RECQL: variants seen among roughly 807,000 people sequenced by gnomAD.
RECQL encodes the protein ATP-dependent DNA helicase Q1.
In RECQL, 73 loss-of-function variants were observed where a neutral mutation model predicts 75.8. The observed-to-expected ratio is 0.96, with a 90% CI of 0.80 to 1.17. The LOEUF (loss-of-function observed/expected upper bound fraction) is 1.17. Ranked by LOEUF, RECQL falls within the 50% of genes most tolerant of loss-of-function variation. RECQL has a pLI of 0.00. For missense variants in RECQL, 699 were observed against 772.1 expected, an observed-to-expected ratio of 0.91 and a Z score of 1.12; for synonymous variants, 248 against 254.4, an observed-to-expected ratio of 0.97 and a Z score of 0.24.
rs768343455 is a variant in RECQL, at chr12:21,473,660, G to T, written c.1356-18C>A. 2.5e-6 allele frequency: 4 copies of T among 1,600,274 alleles called. No individual in the cohort carries two copies. Among genetic ancestry groups the T allele is most frequent in the Non-Finnish European group, 1.7e-6 (2 of 1,169,262 alleles). ...GACGACATCTGCAAACACATTTAAA[G>T]ATACAAATTATTAAAGGATATAATA... is the stretch of plus-strand genomic sequence containing the variant. On this transcript the variant is annotated intron_variant, in intron 11 of 14. Coordinates refer to ENST00000444129, the MANE Select transcript of RECQL (RefSeq NM_002907.4).
At chr12:21,487,741 G>A (rs1237180020) in intron 4 of RECQL, among the ~76,000 whole-genome samples, 1 of 152,146 alleles carries the variant, frequency 6.6e-6, no homozygotes, top group Admixed American at 6.5e-5. Context: ...ATTAAGTAAT[G>A]AGGGCTCTGC....
intron 1 of RECQL, among the ~76,000 whole-genome samples, 163 bp from the exon 2 acceptor site, chr12:21,499,778 T>TGAAAAAATTAGTG (rs1943572891): frequency 6.6e-6 from 1 of 152,224 alleles, no homozygotes; most frequent in African/African-American, 2.4e-5. Flanking sequence ...CTTTTGACAC[T>TGAAAAAATTAGTG]AATTTTTTAT....
chr12:21,486,699 C>G (rs1360580199), intron 4 of RECQL, 114 bp from the exon 5 acceptor site: 1 of 833,132 alleles, frequency 1.2e-6, no homozygotes, highest in East Asian at 3.4e-5. Flanking sequence ...GAGATGGAGT[C>G]TCACTCTCTT....
At chr12:21,480,532 A>G (rs1204121456) in intron 6 of RECQL, among the ~76,000 whole-genome samples, 1 of 151,332 alleles carries the variant, frequency 6.6e-6, no homozygotes, top group East Asian at 1.9e-4. Context: ...TTTTTTTGTC[A>G]TCTCTAACCC....
intron 4 of RECQL, among the ~76,000 whole-genome samples, chr12:21,488,881 G>C (rs1036261301): frequency 1.3e-5 from 2 of 152,200 alleles, no homozygotes; most frequent in African/African-American, 4.8e-5. Context: ...CTTTCCACAT[G>C]TCTTACCACT....
At position 21,498,063 on chromosome 12, in the gene RECQL, T is replaced by C. The variant is rs894484222; in HGVS notation, c.16+1492A>G. 3.9e-5 allele frequency among the ~76,000 whole-genome samples: 6 copies of C among 152,250 alleles called. No homozygotes were observed. The South Asian group carries it at 6.2e-4, about 16-fold the overall frequency. On this transcript the variant is annotated intron_variant, in intron 2 of 14. Transcript: ENST00000444129. Reference sequence around the variant, plus strand: ...AGGAATTCACGGAATTCCTACTGATTGTCATCGTATTCCCCACCAAATTAC... The same window carrying C: ...AGGAATTCACGGAATTCCTACTGATCGTCATCGTATTCCCCACCAAATTAC...
Position 21,483,305 on chromosome 12 carries a change from T to C in RECQL, c.700+71A>G, listed in dbSNP as rs577773294. ...GGATGATTTTAATAGAAGCAGAGATTTCCATCATGCCAAGCTGAGTAAGGA... is the reference window on the plus strand; with the variant it reads ...GGATGATTTTAATAGAAGCAGAGATCTCCATCATGCCAAGCTGAGTAAGGA... On this transcript the variant is annotated intron_variant, in intron 6 of 14. Transcript: ENST00000444129. 4.1e-6 allele frequency: 4 copies of C among 969,212 alleles called. No homozygotes were observed. The East Asian group carries it at 1.0e-4, about 25-fold the overall frequency. The allele number at this position is 969,212 out of a possible 1,614,324, so 60.0% of individuals were successfully genotyped here. A position where few individuals can be genotyped will look rare whatever the true frequency, so the allele number is the denominator to read the frequency against.
rs60867895 is a variant in RECQL, at chr12:21,485,210, CA to C, written c.501+1268del. On this transcript the variant is annotated intron_variant, in intron 5 of 14. Transcript: ENST00000444129. ...TGATACCACAGTAAGTATACTCTTGCAAAAAAAAAAAAAAAAGTTAAAGAAA... is the reference window on the plus strand; with the variant it reads ...TGATACCACAGTAAGTATACTCTTGCAAAAAAAAAAAAAAAGTTAAAGAAA... 9.3e-3 allele frequency among the ~76,000 whole-genome samples: 1,045 copies of C among 112,732 alleles called. 14 individuals are homozygous for C. Among genetic ancestry groups the C allele is most frequent in the African/African-American group, 0.029 (831 of 28,922 alleles). The allele number at this position is 112,732 out of a possible 152,430, so 74.0% of individuals were successfully genotyped here.
chr12:21,474,957 G>A lies in RECQL; in HGVS notation c.1239C>T (p.Asp413=). 1 of 1,612,766 alleles carries A rather than the reference G, an allele frequency of 6.2e-7. No homozygotes were observed. The highest frequency in any genetic ancestry group is 8.5e-7 in the Non-Finnish European group (1 of 1,179,064). The part of the protein sequence containing the change: ...GRAGRDDMKA[D]CILYYGFGDI... ...CTCCAAAGCCGTAGTACAAAATACA[G>A]TCTGCTTTCATGTCATCTCGACCTG... The change falls in exon 11 of 15, where the codon GAC becomes GAT. Residue 413 remains aspartate, a synonymous_variant. Coordinates refer to ENST00000444129, the MANE Select transcript of RECQL (RefSeq NM_002907.4).
intron 11 of RECQL, among the ~76,000 whole-genome samples, chr12:21,474,411 C>G (rs966776567): frequency 6.6e-6 from 1 of 151,978 alleles, no homozygotes; most frequent in African/African-American, 2.4e-5. Flanking sequence ...TAAAGCCACC[C>G]TAAGTAGATT....
At chr12:21,479,879 T>C (rs1289450450) in intron 6 of RECQL, among the ~76,000 whole-genome samples, 1 of 152,124 alleles carries the variant, frequency 6.6e-6, no homozygotes, top group Admixed American at 6.6e-5. Context: ...TACTGGGATA[T>C]GGAGGTGGCA....
At chr12:21,482,996 A>G (rs1943220586) in intron 6 of RECQL, among the ~76,000 whole-genome samples, 1 of 152,182 alleles carries the variant, frequency 6.6e-6, no homozygotes, top group South Asian at 2.1e-4. Context: ...AAATTCTTCA[A>G]CAAATGTGAA....
At position 21,471,446 on chromosome 12, in the gene RECQL, A is replaced by G. The variant is rs374170116; in HGVS notation, c.1649T>C (p.Leu550Pro). ...EDLEKIIAHF[L>P]IQQYLKEDYS... ...TACATACTTAAGATACTGCTGTATTAGAAAGTGTGCAATAATCTTCTCCAG... is the reference window on the plus strand; with the variant it reads ...TACATACTTAAGATACTGCTGTATTGGAAAGTGTGCAATAATCTTCTCCAG... The change falls in exon 13 of 15, where the codon CTA (leucine) becomes CCA (proline). Residue 550 changes from leucine to proline, a missense_variant. Leu to Pro is a moderately conservative substitution (Grantham distance 98). Around this residue, in one of 2 missense-constraint regions of RECQL, gnomAD observed 669 missense variants for 713.5 expected, o/e 0.94. Transcript: ENST00000444129. 1.4e-5 allele frequency: 23 copies of G among 1,612,578 alleles called. No individual in the cohort carries two copies. Among genetic ancestry groups the G allele is most frequent in the Non-Finnish European group, 2.0e-5 (23 of 1,179,052 alleles).
At chr12:21,487,762 G>A (rs746640372) in intron 4 of RECQL, among the ~76,000 whole-genome samples, 3 of 152,104 alleles carry the variant, frequency 2.0e-5, no homozygotes, top group Non-Finnish European at 4.4e-5. Context: ...TTTCATAAGT[G>A]GGATTAATGC....
Position 21,476,910 on chromosome 12 carries a change from C to T in RECQL, c.949+1G>A, listed in dbSNP as rs1591975291. The T allele has an allele frequency of 3.8e-6, 6 of 1,599,952 alleles. No individual in the cohort carries two copies. Among genetic ancestry groups the T allele is most frequent in the Non-Finnish European group, 5.1e-6 (6 of 1,172,488 alleles). On this transcript the variant is annotated splice_donor_variant, in intron 8 of 14. Coordinates refer to ENST00000444129, the MANE Select transcript of RECQL (RefSeq NM_002907.4). LOFTEE classifies it high-confidence loss of function. ...CCAAAGTTGGTTTGTTTTTACATTA[C>T]CTGATTGCCCTTTGTATCTCCCATT...
At chr12:21,497,589 G>A (rs1382348752) in intron 2 of RECQL, among the ~76,000 whole-genome samples, 2 of 152,222 alleles carry the variant, frequency 1.3e-5, no homozygotes, top group African/African-American at 4.8e-5. Context: ...GTGGCAATGA[G>A]GTCTGAGGAA....
intron 5 of RECQL, among the ~76,000 whole-genome samples, chr12:21,486,125 C>T (rs561843448): frequency 5.9e-5 from 9 of 152,126 alleles, no homozygotes; most frequent in Non-Finnish European, 1.2e-4. Flanking sequence ...ACAACTACTC[C>T]ACTGTGCCAT....
chr12:21,470,650 A>G (rs1942926444), intron 14 of RECQL: 2 of 314,322 alleles, frequency 6.4e-6, no homozygotes, highest in African/African-American at 4.3e-5. Context: ...AACCACTGGA[A>G]CAGCAGAAAC....
chr12:21,487,744 G>A (rs1943332722), intron 4 of RECQL, among the ~76,000 whole-genome samples: 1 of 152,082 alleles, frequency 6.6e-6, no homozygotes, highest in African/African-American at 2.4e-5. Context: ...AAGTAATGAG[G>A]GCTCTGCTTT....
Sources: gnomAD v4.1 joint callset for allele counts (sites outside exome capture counted in the v4.1 genomes callset) on GRCh38, gnomAD v4.1.1 for gene constraint, gnomAD v4.1.1 regional missense constraint, MANE v1.5 for transcripts, NCBI Gene and HGNC (gene_info 2026-07-23, HGNC 2026-07-21) for gene names.